Variants in NPHP4 observed in about 807,000 individuals in gnomAD.
NPHP4 encodes the protein nephrocystin-4.
NPHP4 carries 151 observed loss-of-function variants against 155.8 expected under a neutral mutation model. That is an observed-to-expected ratio of 0.97 (90% CI 0.85 to 1.11). The LOEUF (loss-of-function observed/expected upper bound fraction) is 1.11. NPHP4 is among the 50% of genes least tolerant of loss of function. The pLI, the probability that NPHP4 is intolerant of heterozygous loss-of-function variation, is 0.00. For missense variants in NPHP4, 1,956 were observed against 1,925.7 expected, an observed-to-expected ratio of 1.02 and a Z score of -0.29; for synonymous variants, 845 against 816.8, an observed-to-expected ratio of 1.03 and a Z score of -0.59.
intron 6 of NPHP4, among the ~76,000 whole-genome samples, chr1:5,954,331 T>C (rs1648777713): frequency 6.6e-6 from 1 of 152,214 alleles, no homozygotes; most frequent in South Asian, 2.1e-4. Flanking sequence ...CGTAATATTG[T>C]AAGTGAAAAG....
In NPHP4 at chr1:5,863,311, T is replaced by C. The variant is rs774379997; in HGVS notation, c.4235A>G (p.Glu1412Gly). ...EEILIYINDHEDKNEEAFCVK... is the reference protein window; with the variant it reads ...EEILIYINDHGDKNEEAFCVK... ...GCAAAATGCCTCTTCGTTTTTGTCC[T>C]CATGGTCATTGATGTAGATCAGGAT... The change falls in exon 30 of 30, where the codon GAG becomes GGG. Residue 1412 changes from glutamate to glycine, a missense_variant. Coordinates refer to ENST00000378156, the MANE Select transcript of NPHP4 (RefSeq NM_015102.5). 1 of 1,613,928 alleles carries C rather than the reference T, an allele frequency of 6.2e-7. No individual in the cohort carries two copies. The highest frequency in any genetic ancestry group is 1.3e-5 in the African/African-American group (1 of 74,948).
chr1:5,915,073 G>A (rs1365527319), intron 11 of NPHP4, among the ~76,000 whole-genome samples: 1 of 152,220 alleles, frequency 6.6e-6, no homozygotes, highest in Non-Finnish European at 1.5e-5. Context: ...GAGCAAAGCT[G>A]CCTGCATTTA....
chr1:5,974,786 CCT>C (rs1653235768), intron 3 of NPHP4, among the ~76,000 whole-genome samples: 1 of 152,142 alleles, frequency 6.6e-6, no homozygotes, highest in Admixed American at 6.5e-5. Context: ...GCCACAGCCC[CCT>C]CTCTCGGGGT....
Position 5,910,343 on chromosome 1 carries a change from C to T in NPHP4, c.1442-1130G>A, listed in dbSNP as rs752801861. 2.6e-5 allele frequency among the ~76,000 whole-genome samples: 4 copies of T among 152,178 alleles called. No individual in the cohort carries two copies. The highest frequency in any genetic ancestry group is 5.9e-5 in the Non-Finnish European group (4 of 68,034). ...CTCTCCACTGCAGCAGACACTACCA[C>T]TCCCCATCGGACTTCCAGGATAACC... On this transcript the variant is annotated intron_variant, in intron 11 of 29. Coordinates refer to ENST00000378156, the MANE Select transcript of NPHP4 (RefSeq NM_015102.5). This position sits in a 1 kb window ranked among gnomAD's most constrained non-coding sequence, Gnocchi z 5.4.
chr1:5,914,575 T>A (rs1423775422), intron 11 of NPHP4, among the ~76,000 whole-genome samples: 1 of 152,206 alleles, frequency 6.6e-6, no homozygotes, highest in East Asian at 1.9e-4. Flanking sequence ...GCATTGCCAA[T>A]TAAAAAGTGA....
chr1:5,891,974 C>T (rs1644153936), intron 16 of NPHP4, among the ~76,000 whole-genome samples: 2 of 152,220 alleles, frequency 1.3e-5, no homozygotes, highest in South Asian at 4.1e-4. Flanking sequence ...AGGGTGGGCC[C>T]CAAGGGGGTG....
At chr1:5,888,460 C>T in intron 17 of NPHP4, 1 of 1,195,290 alleles carries the variant, frequency 8.4e-7, no homozygotes, top group Non-Finnish European at 1.1e-6. Context: ...GACGCCAGAC[C>T]TGACCCTTCC....
At chr1:5,899,715 T>C (rs999172269) in intron 16 of NPHP4, among the ~76,000 whole-genome samples, 2 of 152,174 alleles carry the variant, frequency 1.3e-5, no homozygotes, top group African/African-American at 4.8e-5. Context: ...GCTTTTCAGA[T>C]ACAACCCATG....
At chr1:5,888,514 T>C in intron 17 of NPHP4, 2 of 1,293,090 alleles carry the variant, frequency 1.5e-6, no homozygotes, top group Non-Finnish European at 2.0e-6. Flanking sequence ...CCCTGGTCGC[T>C]TTGCCACACT....
chr1:5,914,257 C>CAAAAAAAAAA lies in NPHP4; in HGVS notation c.1442-5054_1442-5045dup, dbSNP rs575438284. ...GCAACATGGCAAAATCTTATCTATACAAAAAAAAAAAAAAAAAAAAAAAAA... is the reference window on the plus strand; with the variant it reads ...GCAACATGGCAAAATCTTATCTATACAAAAAAAAAAAAAAAAAAAAAAAAAAAAAAAAAAA... On this transcript the variant is annotated intron_variant, in intron 11 of 29. Coordinates refer to ENST00000378156, the MANE Select transcript of NPHP4 (RefSeq NM_015102.5). Among the ~76,000 whole-genome samples, 79 of 47,378 alleles carry CAAAAAAAAAA rather than the reference C, an allele frequency of 1.7e-3. 8 individuals are homozygous for CAAAAAAAAAA. The highest frequency in any genetic ancestry group is 2.7e-3 in the African/African-American group (44 of 16,180). 31.1% of individuals were successfully genotyped at this position (47,378 alleles called of 152,430 possible). A position where few individuals can be genotyped will look rare whatever the true frequency, so the allele number is the denominator to read the frequency against.
chr1:5,873,405 G>T, intron 22 of NPHP4, 70 bp from the exon 23 acceptor site: 1 of 1,259,388 alleles, frequency 7.9e-7, no homozygotes, highest in South Asian at 1.2e-5. Flanking sequence ...TGTGCTTAGA[G>T]ACACCACTGC....
chr1:5,922,526 G>T (rs1204539255), intron 11 of NPHP4, among the ~76,000 whole-genome samples: 1 of 151,588 alleles, frequency 6.6e-6, no homozygotes, highest in East Asian at 1.9e-4. Context: ...AATTGCCTTG[G>T]CTATTCTTGA....
chr1:5,946,622 C>T (rs140254620), intron 9 of NPHP4, among the ~76,000 whole-genome samples: 14 of 152,332 alleles, frequency 9.2e-5, no homozygotes, highest in East Asian at 5.8e-4. Context: ...CCGGAATCTC[C>T]GAAGTGCTAT....
At chr1:5,974,539 T>C (rs977075714) in intron 3 of NPHP4, among the ~76,000 whole-genome samples, 7 of 152,162 alleles carry the variant, frequency 4.6e-5, no homozygotes, top group Non-Finnish European at 1.0e-4. Context: ...GTTGAATGAA[T>C]GATTCGCTGG....
At chr1:5,911,057 T>C (rs2101312864) in intron 11 of NPHP4, among the ~76,000 whole-genome samples, 1 of 152,374 alleles carries the variant, frequency 6.6e-6, no homozygotes, top group African/African-American at 2.4e-5. Flanking sequence ...CAGAGGAACC[T>C]GCCCTTCTAT....
Position 5,974,970 on chromosome 1 carries a change from C to T in NPHP4, c.279+3300G>A, listed in dbSNP as rs565216733. Among the ~76,000 whole-genome samples the T allele has an allele frequency of 1.2e-3, 190 of 152,338 alleles. 1 individual carries two copies. The Middle Eastern group carries it at 0.014, about 11-fold the overall frequency. ...CTGATAGGCAAAGACCAGAAAAACA[C>T]AGGCAATTAGTAAAGCCAGAGAAAG... is the stretch of plus-strand genomic sequence containing the variant. On this transcript the variant is annotated intron_variant, in intron 3 of 29. Coordinates refer to ENST00000378156, the MANE Select transcript of NPHP4 (RefSeq NM_015102.5).
intron 9 of NPHP4, among the ~76,000 whole-genome samples, chr1:5,940,218 T>C (rs57752624): frequency 0.03 from 4,548 of 152,216 alleles, 111 homozygotes; most frequent in Middle Eastern, 0.11. Flanking sequence ...AATGGATGAA[T>C]GCCATTGTCT....
At position 5,947,569 on chromosome 1, in the gene NPHP4, A is replaced by G. The variant is rs747115972; in HGVS notation, c.993-339T>C. On this transcript the variant is annotated intron_variant, in intron 8 of 29. Coordinates refer to ENST00000378156, the MANE Select transcript of NPHP4 (RefSeq NM_015102.5). Reference sequence around the variant, plus strand: ...GCAGGCCTGATACGGCCAAGTTACCAGGAAATGCCACAGAGGATGGAGGCT... The same window carrying G: ...GCAGGCCTGATACGGCCAAGTTACCGGGAAATGCCACAGAGGATGGAGGCT... Among the ~76,000 whole-genome samples the G allele has an allele frequency of 2.0e-5, 3 of 152,338 alleles. 1 individual carries two copies. The highest frequency in any genetic ancestry group is 1.3e-4 in the Admixed American group (2 of 15,310).
intron 1 of NPHP4, among the ~76,000 whole-genome samples, chr1:5,987,858 A>T (rs1655714307): frequency 6.6e-6 from 1 of 152,222 alleles, no homozygotes; most frequent in Admixed American, 6.5e-5. Flanking sequence ...GAACAAAGTT[A>T]GCATGTCACT....
Sources: allele counts gnomAD v4.1 joint callset (sites outside exome capture counted in the v4.1 genomes callset), GRCh38; gene constraint gnomAD v4.1.1; non-coding constraint Gnocchi (gnomAD v3.1); transcripts MANE v1.5; gene names NCBI Gene and HGNC (gene_info 2026-07-23, HGNC 2026-07-21).